EEF2K: variants seen among roughly 807,000 people sequenced by gnomAD.
The protein encoded by EEF2K is alternative protein EEF2K.
A neutral mutation model predicts 93.8 loss-of-function variants in EEF2K; 70 were observed. The ratio of observed to expected loss-of-function variants is 0.75; its 90% CI spans 0.62 to 0.91. The LOEUF (loss-of-function observed/expected upper bound fraction) is 0.91, where lower values mean the gene tolerates loss of function less well. Ranked by LOEUF, EEF2K falls within the 40% of genes least tolerant of loss-of-function variation. The pLI, the probability that EEF2K is intolerant of heterozygous loss-of-function variation, is 0.00. For missense variants in EEF2K, 935 were observed against 972.9 expected (o/e 0.96, Z 0.52); for synonymous variants, 376 against 380.8 (o/e 0.99, Z 0.15).
chr16:22,266,361 C>G, intron 13 of EEF2K, 29 bp from the exon 14 acceptor site: 1 of 1,599,714 alleles, frequency 6.3e-7, no homozygotes, highest in South Asian at 1.1e-5. Flanking sequence ...CCCAGCCCCT[C>G]GCTTCCCTGG....
chr16:22,212,260 G>A (rs1033560341), intron 1 of EEF2K, among the ~76,000 whole-genome samples: 1 of 152,062 alleles, frequency 6.6e-6, no homozygotes, highest in Non-Finnish European at 1.5e-5. Flanking sequence ...CAGAGCAAAT[G>A]ATGACGTATC....
chr16:22,212,114 CTATAAT>C (rs1222932212), intron 1 of EEF2K, among the ~76,000 whole-genome samples: 1 of 152,170 alleles, frequency 6.6e-6, no homozygotes, highest in Non-Finnish European at 1.5e-5. Flanking sequence ...CTAATCAAAG[CTATAAT>C]TATATTTTGT....
At chr16:22,257,143 A>C (rs570544009) in intron 7 of EEF2K, 110 bp from the exon 8 acceptor site, 2 of 1,557,232 alleles carry the variant, frequency 1.3e-6, no homozygotes, top group South Asian at 2.3e-5. Context: ...CTTTTCCTCT[A>C]TATAACTCCT....
intron 15 of EEF2K, 68 bp from the exon 16 acceptor site, chr16:22,273,558 G>C (rs2141684970): frequency 1.5e-5 from 23 of 1,583,500 alleles, no homozygotes; most frequent in Non-Finnish European, 2.0e-5. Flanking sequence ...TGAGTAGTGA[G>C]ATCTTGGCAG....
At chr16:22,235,501 G>A (rs1288992358) in intron 2 of EEF2K, among the ~76,000 whole-genome samples, 1 of 151,958 alleles carries the variant, frequency 6.6e-6, no homozygotes, top group Non-Finnish European at 1.5e-5. Context: ...CAGTTTCCAC[G>A]TTTGTTTGTT....
chr16:22,251,396 G>A, intron 6 of EEF2K, 74 bp downstream of exon 6: 1 of 1,513,420 alleles, frequency 6.6e-7, no homozygotes, highest in Non-Finnish European at 8.9e-7. Flanking sequence ...GAGGGCCATG[G>A]TGAATCCCTA....
chr16:22,259,265 G>C (rs2047439595), intron 10 of EEF2K, among the ~76,000 whole-genome samples: 2 of 152,160 alleles, frequency 1.3e-5, no homozygotes. Flanking sequence ...CTGACCCCAG[G>C]GTATTGGCCT....
chr16:22,220,447 T>TTG (rs923878348), intron 1 of EEF2K, among the ~76,000 whole-genome samples: 6 of 151,890 alleles, frequency 4.0e-5, no homozygotes, highest in African/African-American at 9.7e-5. Flanking sequence ...AGCGTGCTTT[T>TTG]TTTTTTGTTT....
intron 9 of EEF2K, 36 bp downstream of exon 9, chr16:22,257,806 G>T (rs1476467954): frequency 1.9e-6 from 3 of 1,605,940 alleles, no homozygotes; most frequent in African/African-American, 1.3e-5. Context: ...GGCCTGGCAG[G>T]CCCTTCTGCT....
rs1359363023 is a variant in EEF2K at position 22,284,081 on chromosome 16, G to C, written c.*85G>C. On this transcript the variant is annotated 3_prime_UTR_variant, in exon 18 of 18. Transcript: ENST00000263026. ...ACAACAACAACAACTTATTTAGTTTGGGGAGGGGAAGCATTTTTAAGTGTG... is the reference window on the plus strand; with the variant it reads ...ACAACAACAACAACTTATTTAGTTTCGGGAGGGGAAGCATTTTTAAGTGTG... 2.5e-6 allele frequency: 3 copies of C among 1,213,852 alleles called. No individual in the cohort carries two copies. Among genetic ancestry groups the C allele is most frequent in the Admixed American group, 5.2e-5 (2 of 38,814 alleles). 75.2% of individuals were successfully genotyped at this position (1,213,852 alleles called of 1,614,324 possible). A position where few individuals can be genotyped will look rare whatever the true frequency, so the allele number is the denominator to read the frequency against.
chr16:22,239,523 G>A lies in EEF2K; in HGVS notation c.247-5107G>A, dbSNP rs117849313. Among the ~76,000 whole-genome samples the A allele has an allele frequency of 6.5e-3, 987 of 152,256 alleles. 4 individuals are homozygous for A. The highest frequency in any genetic ancestry group is 0.014 in the Middle Eastern group (4 of 294). On this transcript the variant is annotated intron_variant, in intron 2 of 17. Coordinates refer to ENST00000263026, the MANE Select transcript of EEF2K (RefSeq NM_013302.5). ...CTGAGACTGGTGCTTTAAGTTACGG[G>A]GATTGGGCTGGGCGTGGTGGCTCAT...
intron 6 of EEF2K, among the ~76,000 whole-genome samples, chr16:22,253,980 T>C (rs1469931525): frequency 1.3e-5 from 2 of 152,066 alleles, no homozygotes; most frequent in Non-Finnish European, 2.9e-5. Flanking sequence ...ACGCCTGTAA[T>C]CCCAGCTACT....
In EEF2K at chr16:22,260,458, C is replaced by G. The variant is rs1187227121; in HGVS notation, c.1232-4C>G. 3 of 1,614,090 alleles carry G rather than the reference C, an allele frequency of 1.9e-6. No homozygotes were observed. The Admixed American group carries it at 5.0e-5, about 27-fold the overall frequency. Reference sequence around the variant, plus strand: ...GGACATGATGTCTGTTTCTCCCTGCCCAGATTGGCCAGTGTTCAGTGACCT... The same window carrying G: ...GGACATGATGTCTGTTTCTCCCTGCGCAGATTGGCCAGTGTTCAGTGACCT... On this transcript the variant is annotated splice_polypyrimidine_tract_variant and splice_region_variant and intron_variant, in intron 10 of 17. Coordinates refer to ENST00000263026, the MANE Select transcript of EEF2K (RefSeq NM_013302.5).
intron 1 of EEF2K, among the ~76,000 whole-genome samples, chr16:22,225,119 C>T (rs2047050239): frequency 1.3e-5 from 2 of 152,086 alleles, no homozygotes; most frequent in Admixed American, 6.6e-5. Flanking sequence ...AAAGAACCCA[C>T]TGTTAGAAAG....
chr16:22,248,470 G>T (rs540156705), intron 3 of EEF2K, among the ~76,000 whole-genome samples: 127 of 152,278 alleles, frequency 8.3e-4, no homozygotes, highest in African/African-American at 2.9e-3. Context: ...TGCAGAACAA[G>T]CCAGTAAACA....
At chr16:22,220,753 G>C (rs928834635) in intron 1 of EEF2K, among the ~76,000 whole-genome samples, 6 of 151,488 alleles carry the variant, frequency 4.0e-5, no homozygotes, top group Non-Finnish European at 8.8e-5. Context: ...CCCTGGATCT[G>C]AGCTTTTAAC....
In EEF2K at chr16:22,255,098, T is replaced by C. The variant is rs761598992; in HGVS notation, c.619-1650T>C. On this transcript the variant is annotated intron_variant, in intron 6 of 17. Coordinates refer to ENST00000263026, the MANE Select transcript of EEF2K (RefSeq NM_013302.5). ...AAATAAAATGAAAGCAAACATTGCC[T>C]GGCTCCTTTTTGCATCAATAAGTTT... Among the ~76,000 whole-genome samples, 92 of 152,284 alleles carry C rather than the reference T, an allele frequency of 6.0e-4. 1 individual carries two copies. The highest frequency in any genetic ancestry group is 1.2e-3 in the Non-Finnish European group (79 of 68,026).
At chr16:22,267,906 T>C (rs1193503188) in intron 15 of EEF2K, among the ~76,000 whole-genome samples, 1 of 152,154 alleles carries the variant, frequency 6.6e-6, no homozygotes, top group African/African-American at 2.4e-5. Context: ...AGTGATCTTT[T>C]CCCAGGAGAA....
In EEF2K at chr16:22,284,912, C is replaced by CT. The variant is rs1340373599; in HGVS notation, c.*917dup. On this transcript the variant is annotated 3_prime_UTR_variant, in exon 18 of 18. Transcript: ENST00000263026. ...GCTCCCTTCTACTGTGGGGAAGGGC[C>CT]TGCATGTTGGCTGTTTTTTAAACTT... is the stretch of plus-strand genomic sequence containing the variant. The CT allele has an allele frequency of 6.6e-6, 1 of 152,548 alleles. No individual in the cohort carries two copies. The highest frequency in any genetic ancestry group is 2.4e-5 in the African/African-American group (1 of 41,424). 9.4% of individuals were successfully genotyped at this position (152,548 alleles called of 1,614,324 possible).
Sources: allele counts gnomAD v4.1 joint callset (sites outside exome capture counted in the v4.1 genomes callset), GRCh38; gene constraint gnomAD v4.1.1; transcripts MANE v1.5; gene names NCBI Gene and HGNC (gene_info 2026-07-23, HGNC 2026-07-21).